Variants in TENM1 observed in about 807,000 individuals in gnomAD.
The protein encoded by TENM1 is teneurin transmembrane protein 1, also known as teneurin-1.
TENM1 carries 35 observed loss-of-function variants against 174.8 expected under a neutral mutation model. That is an observed-to-expected ratio of 0.20 (90% confidence interval 0.15 to 0.27). The LOEUF (loss-of-function observed/expected upper bound fraction) is 0.27. Ranked by LOEUF, TENM1 falls within the 10% of genes least tolerant of loss-of-function variation. The pLI, the probability that TENM1 is intolerant of heterozygous loss-of-function variation, is 1.00. For missense variants in TENM1, 1,633 were observed against 2,130.1 expected, an observed-to-expected ratio of 0.77 and a Z score of 4.59; for synonymous variants, 781 against 798.7, an observed-to-expected ratio of 0.98 and a Z score of 0.37.
At chrX:124,681,979 T>C in intron 5 of TENM1, among the ~76,000 whole-genome samples, 1 of 111,835 alleles carries the variant, frequency 8.9e-6, no homozygotes, top group East Asian at 2.8e-4. Context: ...GAGATGATTG[T>C]GTAGTTGTGA....
chrX:124,603,667 T>C (rs2213412), intron 11 of TENM1, among the ~76,000 whole-genome samples: 26,898 of 111,060 alleles, frequency 0.24, 2,404 homozygotes, highest in South Asian at 0.46. Context: ...TAATAACTTA[T>C]GTTCTAAATA....
the TENM1 span, among the ~76,000 whole-genome samples, chrX:125,028,598 A>G: frequency 8.9e-6 from 1 of 111,816 alleles, no homozygotes; most frequent in Non-Finnish European, 1.9e-5. Flanking sequence ...TATTTGGGTG[A>G]TGAAATAATT....
Position 124,772,279 on chromosome X carries a change from G to A in TENM1, c.536-35082C>T, listed in dbSNP as rs190267517. On this transcript the variant is annotated intron_variant, in intron 3 of 31. Transcript: ENST00000422452. The stretch of plus-strand genomic sequence containing the variant: ...GCCTCCTGAGTAGCTGGGACTACAC[G>A]CACACGCCACCACACCCGGATAATT... Among the ~76,000 whole-genome samples the A allele has an allele frequency of 4.5e-5, 5 of 111,102 alleles. No individual in the cohort carries two copies. The East Asian group carries it at 1.1e-3, about 25-fold the overall frequency.
intron 1 of TENM1, among the ~76,000 whole-genome samples, chrX:124,947,736 C>T (rs1313206047): frequency 8.9e-6 from 1 of 111,926 alleles, no homozygotes; most frequent in Non-Finnish European, 1.9e-5. Flanking sequence ...TCACCAGAGA[C>T]TGATTTTTGT....
intron 11 of TENM1, among the ~76,000 whole-genome samples, chrX:124,640,950 G>T (rs757635254): frequency 1.6e-5 from 1 of 61,563 alleles, no homozygotes; most frequent in African/African-American, 9.8e-5. Context: ...GACAGAGCGA[G>T]AATCCATCTC....
chrX:124,419,280 C>A (rs1033035195), intron 25 of TENM1, among the ~76,000 whole-genome samples: 2 of 112,082 alleles, frequency 1.8e-5, no homozygotes, highest in African/African-American at 6.5e-5. Context: ...CTTCAAGAGG[C>A]TTTCATGGGA....
intron 11 of TENM1, among the ~76,000 whole-genome samples, chrX:124,578,531 C>T (rs1473843028): frequency 9.0e-6 from 1 of 111,418 alleles, no homozygotes; most frequent in Non-Finnish European, 1.9e-5. Context: ...TCTATAAAAT[C>T]GGGTTGGTAC....
At chrX:124,685,862 A>G (rs1466950908) in intron 5 of TENM1, among the ~76,000 whole-genome samples, 1 of 111,985 alleles carries the variant, frequency 8.9e-6, no homozygotes. Context: ...CCTGGCCTCA[A>G]GCAAACCTGT....
chrX:124,951,189 C>G (rs919121636), intron 1 of TENM1, among the ~76,000 whole-genome samples: 3 of 111,825 alleles, frequency 2.7e-5, no homozygotes, highest in African/African-American at 9.7e-5. Context: ...AAAAAGTAGC[C>G]TTGTTTAATT....
the TENM1 span, among the ~76,000 whole-genome samples, chrX:125,154,718 C>T: frequency 9.1e-5 from 10 of 110,213 alleles, no homozygotes; most frequent in Non-Finnish European, 1.3e-4. Flanking sequence ...TTCTGATGTT[C>T]GGATGTGTTC....
At chrX:124,895,430 TG>T (rs2057546745) in intron 2 of TENM1, among the ~76,000 whole-genome samples, 1 of 112,243 alleles carries the variant, frequency 8.9e-6, no homozygotes, top group Admixed American at 9.5e-5. Context: ...TATGACATAA[TG>T]ATACTGCTGC....
intron 23 of TENM1, among the ~76,000 whole-genome samples, chrX:124,445,307 C>T (rs957646758): frequency 9.0e-6 from 1 of 111,669 alleles, no homozygotes; most frequent in Non-Finnish European, 1.9e-5. Flanking sequence ...AATGTGCTGC[C>T]TGGGGGAGGT....
At chrX:124,563,539 C>T (rs923919337) in intron 13 of TENM1, among the ~76,000 whole-genome samples, 14 of 109,403 alleles carry the variant, frequency 1.3e-4, no homozygotes, top group African/African-American at 3.6e-4. Flanking sequence ...TTCTATACTA[C>T]GGGAAAAAGT....
chrX:125,162,168 C>G, the TENM1 span, among the ~76,000 whole-genome samples: 2 of 111,795 alleles, frequency 1.8e-5, no homozygotes, highest in African/African-American at 6.5e-5. Flanking sequence ...GGGCAAACTA[C>G]TCTAGATACT....
chrX:125,083,735 C>T, the TENM1 span, among the ~76,000 whole-genome samples: 16 of 111,316 alleles, frequency 1.4e-4, no homozygotes, highest in East Asian at 4.5e-3. Context: ...AAATTGTTAA[C>T]ATGAATATAT....
At chrX:124,865,997 C>A (rs1344555414) in intron 3 of TENM1, among the ~76,000 whole-genome samples, 5 of 111,400 alleles carry the variant, frequency 4.5e-5, no homozygotes, top group Non-Finnish European at 7.6e-5. Flanking sequence ...ACTGGAGCAC[C>A]CAGATATATA....
At chrX:124,514,333 G>A (rs777929777) in intron 18 of TENM1, among the ~76,000 whole-genome samples, 3 of 110,445 alleles carry the variant, frequency 2.7e-5, no homozygotes, top group Non-Finnish European at 3.8e-5. Flanking sequence ...AACCCCCATC[G>A]AAACCCAACT....
At chrX:124,951,162 A>T (rs981148471) in intron 1 of TENM1, among the ~76,000 whole-genome samples, 6 of 111,608 alleles carry the variant, frequency 5.4e-5, no homozygotes, top group African/African-American at 1.3e-4. Flanking sequence ...CACAATTAAT[A>T]AAAAAAACCA....
chrX:125,014,243 T>C, the TENM1 span, among the ~76,000 whole-genome samples: 1 of 112,517 alleles, frequency 8.9e-6, no homozygotes, highest in Non-Finnish European at 1.9e-5. Context: ...TATAATTATA[T>C]CCCCATGTTG....
Sources: gnomAD v4.1 joint callset for allele counts (sites outside exome capture counted in the v4.1 genomes callset) on GRCh38, gnomAD v4.1.1 for gene constraint, MANE v1.5 for transcripts, NCBI Gene and HGNC (gene_info 2026-07-23, HGNC 2026-07-21) for gene names.